ENPP2: variants seen among roughly 807,000 people sequenced by gnomAD.
The protein encoded by ENPP2 is ectonucleotide pyrophosphatase/phosphodiesterase 2.
A neutral mutation model predicts 120.2 loss-of-function variants in ENPP2; 51 were observed. That is an observed-to-expected ratio of 0.42 (90% CI 0.34 to 0.54). ENPP2 has a LOEUF of 0.54. ENPP2 is among the 20% of genes least tolerant of loss of function. ENPP2 has a pLI of 0.04. For synonymous variants in ENPP2, 365 were observed against 366.4 expected (o/e 1.00, Z 0.04); for missense variants, 920 against 1,066.5 (o/e 0.86, Z 1.91).
intron 1 of ENPP2, among the ~76,000 whole-genome samples, chr8:119,664,126 C>T (rs896752039): frequency 6.6e-6 from 1 of 152,090 alleles, no homozygotes; most frequent in African/African-American, 2.4e-5. Context: ...AACAAGAGGG[C>T]TTATAAAATC....
chr8:119,562,760 A>G, intron 24 of ENPP2, 97 bp downstream of exon 24: 1 of 1,217,072 alleles, frequency 8.2e-7, no homozygotes, highest in Non-Finnish European at 1.2e-6. Context: ...TGAATGCTTT[A>G]TAATAAGTAT....
intron 5 of ENPP2, among the ~76,000 whole-genome samples, chr8:119,617,826 G>A (rs1157995177): frequency 6.6e-6 from 1 of 152,080 alleles, no homozygotes; most frequent in African/African-American, 2.4e-5. Flanking sequence ...GCGGGCACCT[G>A]TAATCCCAGC....
intron 1 of ENPP2, among the ~76,000 whole-genome samples, chr8:119,649,319 G>A (rs368698162): frequency 4.0e-5 from 6 of 150,854 alleles, no homozygotes; most frequent in Admixed American, 6.6e-5. Context: ...GGAGAATGGC[G>A]TGAACCTGGG....
In ENPP2 at chr8:119,557,366, G is replaced by A. The variant is rs891350892; in HGVS notation, c.*155C>T. On this transcript the variant is annotated 3_prime_UTR_variant, in exon 25 of 25. Transcript: ENST00000075322. ...AAGGCTACCTAAATCAAGCATTAGAGAAAAACAGTGGAGTCATTCAGGCAT... is the reference window on the plus strand; with the variant it reads ...AAGGCTACCTAAATCAAGCATTAGAAAAAAACAGTGGAGTCATTCAGGCAT... The A allele has an allele frequency of 2.2e-4, 129 of 596,946 alleles. 5 individuals are homozygous for A. The South Asian group carries it at 3.0e-3, about 14-fold the overall frequency. 37.0% of individuals were successfully genotyped at this position (596,946 alleles called of 1,614,324 possible).
At chr8:119,637,862 T>C (rs1817098012) in intron 2 of ENPP2, among the ~76,000 whole-genome samples, 1 of 152,226 alleles carries the variant, frequency 6.6e-6, no homozygotes, top group Admixed American at 6.5e-5. Context: ...TATTAAAACT[T>C]ACCTTTCCTT....
In ENPP2 at chr8:119,586,956, C is replaced by G. The variant is rs562647118; in HGVS notation, c.1239+88G>C. The G allele has an allele frequency of 4.5e-6, 5 of 1,116,860 alleles. No individual in the cohort carries two copies. The South Asian group carries it at 6.6e-5, about 15-fold the overall frequency. 69.2% of individuals were successfully genotyped at this position (1,116,860 alleles called of 1,614,324 possible). ...GAGGAAAGTGTTCCTCCCACCCCTC[C>G]CCGCCGGGGGAGGCACACACAGGAG... On this transcript the variant is annotated intron_variant, in intron 14 of 24. Coordinates refer to ENST00000075322, the MANE Select transcript of ENPP2 (RefSeq NM_001040092.3).
rs907940280 is a variant in ENPP2 at position 119,629,648 on chromosome 8, C to T, written c.137-2928G>A. Among the ~76,000 whole-genome samples the T allele has an allele frequency of 4.6e-5, 7 of 152,234 alleles. No individual in the cohort carries two copies. In the South Asian group the frequency reaches 1.0e-3, roughly 23 times the overall value. ...CTAGGATTTTGAAAGACATACAAAC[C>T]GTACGAGTTCAGTTTAGAAAATAAT... is the stretch of plus-strand genomic sequence containing the variant. On this transcript the variant is annotated intron_variant, in intron 2 of 24. Coordinates refer to ENST00000075322, the MANE Select transcript of ENPP2 (RefSeq NM_001040092.3).
intron 24 of ENPP2, among the ~76,000 whole-genome samples, chr8:119,561,380 T>C (rs1184958420): frequency 2.0e-5 from 3 of 152,246 alleles, no homozygotes; most frequent in African/African-American, 7.2e-5. Context: ...TTGTTTCTCC[T>C]AGAGTAGCTT....
intron 1 of ENPP2, among the ~76,000 whole-genome samples, chr8:119,671,216 G>T (rs2130919430): frequency 6.6e-6 from 1 of 151,896 alleles, no homozygotes; most frequent in South Asian, 2.1e-4. Context: ...CAGGAGAATT[G>T]CTTGAACCCG....
At chr8:119,670,162 T>G (rs554435347) in intron 1 of ENPP2, among the ~76,000 whole-genome samples, 5 of 152,150 alleles carry the variant, frequency 3.3e-5, no homozygotes, top group Admixed American at 2.0e-4. Context: ...CAGCTCTTTC[T>G]TGGGGAAGGT....
At position 119,609,652 on chromosome 8, in the gene ENPP2, C is replaced by T. The variant is rs189771294; in HGVS notation, c.778-1675G>A. On this transcript the variant is annotated intron_variant, in intron 8 of 24. Coordinates refer to ENST00000075322, the MANE Select transcript of ENPP2 (RefSeq NM_001040092.3). ...ATGAGCTCAAATGAAGTGCTGGACACACTATAAAACCATGCCAGTTCCCAA... is the reference window on the plus strand; with the variant it reads ...ATGAGCTCAAATGAAGTGCTGGACATACTATAAAACCATGCCAGTTCCCAA... 1.4e-4 allele frequency among the ~76,000 whole-genome samples: 21 copies of T among 152,258 alleles called. No individual in the cohort carries two copies. In the East Asian group the frequency reaches 4.1e-3, roughly 29 times the overall value.
chr8:119,594,255 C>T (rs1026785323), intron 11 of ENPP2, among the ~76,000 whole-genome samples: 6 of 152,116 alleles, frequency 3.9e-5, no homozygotes, highest in Admixed American at 1.3e-4. Context: ...AGAAGATAGA[C>T]GCTAAGTGAA....
At chr8:119,610,364 G>T (rs1815007528) in intron 8 of ENPP2, among the ~76,000 whole-genome samples, 1 of 151,884 alleles carries the variant, frequency 6.6e-6, no homozygotes, top group African/African-American at 2.4e-5. Context: ...GATCAGAAAA[G>T]TATAAAAACT....
chr8:119,606,723 GATT>G (rs1814743772), intron 9 of ENPP2, among the ~76,000 whole-genome samples: 1 of 151,820 alleles, frequency 6.6e-6, no homozygotes, highest in African/African-American at 2.4e-5. Flanking sequence ...TTTTATTTCT[GATT>G]TTAGAGAGTA....
At chr8:119,569,567 T>G (rs917827615) in intron 20 of ENPP2, among the ~76,000 whole-genome samples, 197 bp from the exon 21 acceptor site, 3 of 152,086 alleles carry the variant, frequency 2.0e-5, no homozygotes, top group African/African-American at 7.2e-5. Context: ...TTTTCAAACT[T>G]TTTTTAATCA....
At position 119,582,539 on chromosome 8, in the gene ENPP2, C is replaced by T. The variant is rs148571805; in HGVS notation, c.1607G>A (p.Arg536His). The stretch of plus-strand genomic sequence containing the variant: ...CATGGTTGGCCTGAAGGTATTAGTG[C>T]GCAGGAGATGATTCAAACTTCCATG... ...GTHGSLNHLL[R>H]TNTFRPTMPE... The change falls in exon 18 of 25, where the codon CGC becomes CAC. Residue 536 changes from arginine (R) to histidine (H), a missense_variant. Physicochemically the swap from Arg to His is conservative, Grantham distance 29. Transcript: ENST00000075322. 6.3e-5 allele frequency: 102 copies of T among 1,613,526 alleles called. 1 individual carries two copies. In the South Asian group the frequency reaches 8.1e-4, roughly 13 times the overall value.
intron 11 of ENPP2, among the ~76,000 whole-genome samples, chr8:119,600,038 T>A (rs1814182105): frequency 6.6e-6 from 1 of 150,754 alleles, no homozygotes; most frequent in Non-Finnish European, 1.5e-5. Flanking sequence ...GTCAGCCTGC[T>A]CTGCTAAGCA....
intron 19 of ENPP2, among the ~76,000 whole-genome samples, chr8:119,579,734 T>C (rs1812597932): frequency 6.6e-6 from 1 of 152,082 alleles, no homozygotes; most frequent in African/African-American, 2.4e-5. Flanking sequence ...TATATATCTA[T>C]ATATACACTG....
chr8:119,638,378 T>A (rs768339523), intron 2 of ENPP2, 47 bp downstream of exon 2: 1 of 885,798 alleles, frequency 1.1e-6, no homozygotes, highest in African/African-American at 1.7e-5. Flanking sequence ...TTACCCCGTA[T>A]GTAATATTTT....
Sources: allele counts gnomAD v4.1 joint callset (sites outside exome capture counted in the v4.1 genomes callset), GRCh38; gene constraint gnomAD v4.1.1; transcripts MANE v1.5; gene names NCBI Gene and HGNC (gene_info 2026-07-23, HGNC 2026-07-21).